ALK: variants seen among roughly 807,000 people sequenced by gnomAD.
ALK encodes ALK receptor tyrosine kinase.
Under a neutral mutation model 163.1 loss-of-function variants are expected in ALK, and 74 were observed. The ratio of observed to expected loss-of-function variants is 0.45; its 90% CI spans 0.38 to 0.55. The LOEUF is 0.55. Among genes scored for constraint, ALK ranks in the 20% least tolerant of loss-of-function variants. The pLI, the probability that ALK is intolerant of heterozygous loss-of-function variation, is 0.00. For synonymous variants in ALK, 960 were observed against 843.2 expected, an observed-to-expected ratio of 1.14 and a Z score of -2.40; for missense variants, 2,063 against 2,105.3, an observed-to-expected ratio of 0.98 and a Z score of 0.39.
At chr2:29,844,064 C>T (rs2148396436) in intron 1 of ALK, among the ~76,000 whole-genome samples, 1 of 152,180 alleles carries the variant, frequency 6.6e-6, no homozygotes, top group East Asian at 1.9e-4. Flanking sequence ...TGGTAAAGGG[C>T]ATAGAATGGA....
At chr2:29,810,762 C>G (rs556998337) in intron 1 of ALK, among the ~76,000 whole-genome samples, 2 of 152,136 alleles carry the variant, frequency 1.3e-5, no homozygotes, top group East Asian at 1.9e-4. Context: ...GAATTGTGTA[C>G]CCTCCAAATT....
rs116296943 is a variant in ALK, at chr2:29,763,421, T to G, written c.668-45724A>C. On this transcript the variant is annotated intron_variant, in intron 1 of 28. Coordinates refer to ENST00000389048, the MANE Select transcript of ALK (RefSeq NM_004304.5). The stretch of plus-strand genomic sequence containing the variant: ...ACCTCTAAGGATCTTTCTGCCTGGA[T>G]GGAGAACTTGGCATTTAGAACTGTA... 7.7e-3 allele frequency among the ~76,000 whole-genome samples: 1,166 copies of G among 152,298 alleles called. 15 individuals are homozygous for G. Among genetic ancestry groups the G allele is most frequent in the African/African-American group, 0.027 (1,131 of 41,562 alleles).
At chr2:29,222,661 G>C (rs1304708229) in intron 20 of ALK, 54 bp from the exon 21 acceptor site, 2 of 1,517,520 alleles carry the variant, frequency 1.3e-6, no homozygotes, top group South Asian at 2.3e-5. Context: ...ACAATAATGA[G>C]GCAGCTGGGG....
intron 4 of ALK, among the ~76,000 whole-genome samples, chr2:29,477,026 AG>A (rs1671542578): frequency 6.6e-6 from 1 of 152,198 alleles, no homozygotes; most frequent in Admixed American, 6.5e-5. Flanking sequence ...GTGGAGCAGC[AG>A]GATCTAGGTG....
chr2:29,710,068 C>A (rs977387954), intron 2 of ALK, among the ~76,000 whole-genome samples: 8 of 152,166 alleles, frequency 5.3e-5, no homozygotes, highest in African/African-American at 1.9e-4. Flanking sequence ...GGCAGGTCTT[C>A]CGCATGTTGT....
Position 29,296,915 on chromosome 2 carries a change from A to G in ALK, c.1790T>C (p.Val597Ala), listed in dbSNP as rs747000305. The G allele has an allele frequency of 6.2e-7, 1 of 1,614,102 alleles. No homozygotes were observed. Among genetic ancestry groups the G allele is most frequent in the Non-Finnish European group, 8.5e-7 (1 of 1,180,018 alleles). ...GTCAGACACATCGAGGAGAGGCAAC[A>G]CCATCCACTGCCACAGGCTCAAGCC... ...YEGLSLWQWM[V>A]LPLLDVSDRF... The change falls in exon 9 of 29, where the codon GTG becomes GCG. Residue 597 changes from valine (V) to alanine (A), a missense_variant. By Grantham distance (64) the Val-to-Ala change is moderately conservative (BLOSUM62 0). Coordinates refer to ENST00000389048, the MANE Select transcript of ALK (RefSeq NM_004304.5).
chr2:29,847,389 T>A lies in ALK; in HGVS notation c.667+72604A>T, dbSNP rs1263806075. 3.9e-5 allele frequency among the ~76,000 whole-genome samples: 6 copies of A among 152,246 alleles called. No homozygotes were observed. The East Asian group carries it at 1.2e-3, about 29-fold the overall frequency. ...GGAGTTGAACAAATGCCCCAGGAGC[T>A]ATGAGATGCCTAGAAACCAACAGGG... On this transcript the variant is annotated intron_variant, in intron 1 of 28. Coordinates refer to ENST00000389048, the MANE Select transcript of ALK (RefSeq NM_004304.5).
At chr2:29,720,494 G>T (rs1239024664) in intron 1 of ALK, among the ~76,000 whole-genome samples, 4 of 152,210 alleles carry the variant, frequency 2.6e-5, no homozygotes, top group Non-Finnish European at 5.9e-5. Context: ...GAGTGCAAGT[G>T]ATAAGCCGGA....
At chr2:29,254,656 C>G (rs1298570427) in intron 11 of ALK, among the ~76,000 whole-genome samples, 1 of 152,202 alleles carries the variant, frequency 6.6e-6, no homozygotes, top group Non-Finnish European at 1.5e-5. Flanking sequence ...CAATTGGAGA[C>G]TGTAAGACAT....
intron 4 of ALK, among the ~76,000 whole-genome samples, chr2:29,410,652 AAC>A (rs1669704561): frequency 6.6e-6 from 1 of 152,274 alleles, no homozygotes; most frequent in African/African-American, 2.4e-5. Context: ...AGGCAAAGGT[AAC>A]ACACGGTATT....
In ALK at chr2:29,866,537, G is replaced by GT. The variant is rs530331072; in HGVS notation, c.667+53455dup. On this transcript the variant is annotated intron_variant, in intron 1 of 28. Coordinates refer to ENST00000389048, the MANE Select transcript of ALK (RefSeq NM_004304.5). ...ACCCAAACTACACGTGAATGGAAGA[G>GT]TTTTTTAATTTCTATGGTAATAAGG... is the stretch of plus-strand genomic sequence containing the variant. Among the ~76,000 whole-genome samples the GT allele has an allele frequency of 6.6e-5, 10 of 152,246 alleles. No individual in the cohort carries two copies. In the South Asian group the frequency reaches 2.1e-3, roughly 32 times the overall value.
At chr2:29,553,436 C>T (rs375143104) in intron 3 of ALK, among the ~76,000 whole-genome samples, 3 of 152,208 alleles carry the variant, frequency 2.0e-5, no homozygotes, top group East Asian at 3.8e-4. Context: ...TTTGTTGTAG[C>T]AGCACAAATC....
At chr2:29,692,823 C>T (rs1678441081) in intron 3 of ALK, among the ~76,000 whole-genome samples, 1 of 152,126 alleles carries the variant, frequency 6.6e-6, no homozygotes, top group Non-Finnish European at 1.5e-5. Context: ...ATGGCAATAG[C>T]AAGAACCTGG....
In ALK at chr2:29,203,485, CTTTTTTTTTT is replaced by C. The variant is rs1156462365; in HGVS notation, c.3938+3676_3938+3685del. On this transcript the variant is annotated intron_variant, in intron 26 of 28. Coordinates refer to ENST00000389048, the MANE Select transcript of ALK (RefSeq NM_004304.5). Reference sequence around the variant, plus strand: ...TATCACCATTGGCCTGAGGATGTGCCTTTTTTTTTTTTTTTTTTTTTTTTTTTGTGAGACA... The same window carrying C: ...TATCACCATTGGCCTGAGGATGTGCCTTTTTTTTTTTTTTTTTGTGAGACA... Among the ~76,000 whole-genome samples, 62 of 32,550 alleles carry C rather than the reference CTTTTTTTTTT, an allele frequency of 1.9e-3. 1 individual carries two copies. The highest frequency in any genetic ancestry group is 0.012 in the East Asian group (12 of 1,008). The allele number at this position is 32,550 out of a possible 152,430, so 21.4% of individuals were successfully genotyped here.
At position 29,197,616 on chromosome 2, in the gene ALK, T is replaced by G. The variant is rs1415136226; in HGVS notation, c.3999A>C (p.Lys1333Asn). The change falls in exon 27 of 29, where the codon AAA (lysine) becomes AAC (asparagine). Residue 1333 changes from lysine to asparagine, a missense_variant. Around this residue, in one of 5 missense-constraint regions of ALK, gnomAD observed 403 missense variants for 366.2 expected, o/e 1.10. Coordinates refer to ENST00000389048, the MANE Select transcript of ALK (RefSeq NM_004304.5). ...FSLGYMPYPS[K>N]SNQEVLEFVT... ...CAAACTCCAGAACTTCCTGGTTGCT[T>G]TTGCTGGGGTATGGCATATATCCAA... The G allele has an allele frequency of 6.2e-7, 1 of 1,614,054 alleles. No homozygotes were observed. Among genetic ancestry groups the G allele is most frequent in the Non-Finnish European group, 8.5e-7 (1 of 1,180,008 alleles).
At chr2:29,746,904 C>G (rs1355841835) in intron 1 of ALK, among the ~76,000 whole-genome samples, 1 of 152,206 alleles carries the variant, frequency 6.6e-6, no homozygotes, top group Non-Finnish European at 1.5e-5. Context: ...ACGAAATAAG[C>G]CATGAGGATG....
intron 3 of ALK, among the ~76,000 whole-genome samples, chr2:29,613,278 C>A (rs886735613): frequency 6.6e-6 from 1 of 152,222 alleles, no homozygotes; most frequent in Non-Finnish European, 1.5e-5. Flanking sequence ...ATCAATTTAT[C>A]CCAGATGACT....
chr2:29,396,825 T>C (rs1669317537), intron 4 of ALK, among the ~76,000 whole-genome samples: 1 of 147,098 alleles, frequency 6.8e-6, no homozygotes, highest in African/African-American at 2.5e-5. Context: ...CAGAGGCCCT[T>C]TGTTACTATG....
chr2:29,484,531 G>T (rs1362154045), intron 4 of ALK, among the ~76,000 whole-genome samples: 1 of 151,880 alleles, frequency 6.6e-6, no homozygotes, highest in Non-Finnish European at 1.5e-5. Flanking sequence ...TTTTTCTAGT[G>T]TTTCAGTTTC....
Sources: allele counts gnomAD v4.1 joint callset (sites outside exome capture counted in the v4.1 genomes callset), GRCh38; gene constraint gnomAD v4.1.1; regional missense constraint gnomAD v4.1.1; transcripts MANE v1.5; gene names NCBI Gene and HGNC (gene_info 2026-07-23, HGNC 2026-07-21).